The following TAS2R1 variants were observed in gnomAD, a reference collection of about 807,000 sequenced individuals.
The protein encoded by TAS2R1 is taste receptor type 2 member 1.
For missense variants in TAS2R1, 370 were observed against 353.4 expected, an observed-to-expected ratio of 1.05 and a Z score of -0.38; for synonymous variants, 141 against 134.2, an observed-to-expected ratio of 1.05 and a Z score of -0.35.
chr5:9,826,344 C>T, the TAS2R1 span, among the ~76,000 whole-genome samples: 10,961 of 152,090 alleles, frequency 0.072, 904 homozygotes, highest in East Asian at 0.24. Context: ...AAATCTTTTC[C>T]ATGGTATGAT....
At chr5:9,762,017 A>G in the TAS2R1 span, among the ~76,000 whole-genome samples, 1 of 152,158 alleles carries the variant, frequency 6.6e-6, no homozygotes, top group East Asian at 1.9e-4. Context: ...TGCACCACCC[A>G]CCATCACTTC....
intron 1 of TAS2R1, among the ~76,000 whole-genome samples, chr5:9,674,418 G>A (rs1440849583): frequency 2.0e-5 from 3 of 152,030 alleles, no homozygotes; most frequent in Non-Finnish European, 4.4e-5. Context: ...ATCTTCCCCT[G>A]GCATAATGTT....
intron 1 of TAS2R1, among the ~76,000 whole-genome samples, chr5:9,697,634 G>T (rs1350447144): frequency 6.6e-6 from 1 of 152,106 alleles, no homozygotes; most frequent in Non-Finnish European, 1.5e-5. Context: ...ATTTTTGTAT[G>T]TTTAGAGATC....
At chr5:9,739,609 G>C in the TAS2R1 span, among the ~76,000 whole-genome samples, 3 of 152,308 alleles carry the variant, frequency 2.0e-5, no homozygotes, top group African/African-American at 7.2e-5. Context: ...GTAAGAGGCA[G>C]GTAAGATGCC....
chr5:9,643,435 A>G (rs1740125267), intron 2 of TAS2R1, among the ~76,000 whole-genome samples: 1 of 152,172 alleles, frequency 6.6e-6, no homozygotes, highest in Non-Finnish European at 1.5e-5. Flanking sequence ...AAAATGTCAT[A>G]TGTGTGTAGG....
the TAS2R1 span, among the ~76,000 whole-genome samples, chr5:9,778,693 A>G: frequency 6.6e-6 from 1 of 152,234 alleles, no homozygotes; most frequent in Non-Finnish European, 1.5e-5. Context: ...AGCCTCATGA[A>G]TCAACCTCTT....
chr5:9,746,077 A>C, the TAS2R1 span, among the ~76,000 whole-genome samples: 1 of 152,190 alleles, frequency 6.6e-6, no homozygotes, highest in Non-Finnish European at 1.5e-5. Flanking sequence ...TCAAGAAAAA[A>C]AACCAACCCC....
chr5:9,849,363 A>G, the TAS2R1 span, among the ~76,000 whole-genome samples: 1 of 152,254 alleles, frequency 6.6e-6, no homozygotes, highest in Non-Finnish European at 1.5e-5. Context: ...CTGGAGACCA[A>G]GCATGTTTCC....
chr5:9,753,644 T>A, the TAS2R1 span, among the ~76,000 whole-genome samples: 6 of 152,286 alleles, frequency 3.9e-5, no homozygotes, highest in African/African-American at 1.4e-4. Flanking sequence ...CTGAATGGTA[T>A]TGCCTAGGTT....
intron 2 of TAS2R1, among the ~76,000 whole-genome samples, chr5:9,650,217 T>C (rs1012678298): frequency 3.3e-5 from 5 of 152,184 alleles, no homozygotes; most frequent in Non-Finnish European, 7.4e-5. Flanking sequence ...TTAAGAGATA[T>C]AATCTTACGT....
rs572751712 is a variant in TAS2R1 at position 9,665,496 on chromosome 5, G to A, written c.-241-5915C>T. Among the ~76,000 whole-genome samples, 18 of 152,286 alleles carry A rather than the reference G, an allele frequency of 1.2e-4. No homozygotes were observed. The South Asian group carries it at 3.1e-3, about 26-fold the overall frequency. On this transcript the variant is annotated intron_variant, in intron 1 of 2. Transcript: ENST00000506620. ...ACCATAGTCACTCACAATCAGTAAGGGACAGACCAGGGATTTAAACCCAAA... is the reference window on the plus strand; with the variant it reads ...ACCATAGTCACTCACAATCAGTAAGAGACAGACCAGGGATTTAAACCCAAA...
the TAS2R1 span, among the ~76,000 whole-genome samples, chr5:9,815,147 G>T: frequency 6.6e-6 from 1 of 152,224 alleles, no homozygotes; most frequent in Non-Finnish European, 1.5e-5. Flanking sequence ...AGAAAAGGAG[G>T]TTGTAATTGA....
chr5:9,664,682 T>C (rs17332100), intron 1 of TAS2R1, among the ~76,000 whole-genome samples: 33,282 of 151,952 alleles, frequency 0.22, 3,682 homozygotes, highest in South Asian at 0.25. Context: ...TCTTTACTGA[T>C]TGAATTTTAA....
the TAS2R1 span, among the ~76,000 whole-genome samples, chr5:9,720,709 G>C: frequency 1.3e-5 from 2 of 152,228 alleles, no homozygotes; most frequent in African/African-American, 2.4e-5. Flanking sequence ...GGAGAGCAGA[G>C]TTCCTCAAGG....
At position 9,629,933 on chromosome 5, in the gene TAS2R1, C is replaced by A; in HGVS notation, c.100G>T (p.Asp34Tyr). The change falls in exon 1 of 1, where the codon GAC (aspartate) becomes TAC (tyrosine). Residue 34 changes from aspartate (D) to tyrosine (Y), a missense_variant. Transcript: ENST00000382492. ...GCCATTTTTCTGTGCTTGATCAAGT[C>A]AATGCCATTCACCACCACAATGATG... ...NGIIVVVNGI[D>Y]LIKHRKMAPL... 1 of 1,613,750 alleles carries A rather than the reference C, an allele frequency of 6.2e-7. No individual in the cohort carries two copies.
the TAS2R1 span, among the ~76,000 whole-genome samples, chr5:9,870,818 C>A: frequency 6.6e-6 from 1 of 152,086 alleles, no homozygotes; most frequent in Non-Finnish European, 1.5e-5. Flanking sequence ...ATGAGAGGAT[C>A]AAATGCACAC....
the TAS2R1 span, among the ~76,000 whole-genome samples, chr5:9,897,145 C>G: frequency 7.2e-5 from 11 of 152,204 alleles, no homozygotes; most frequent in Admixed American, 7.2e-4. Flanking sequence ...TAAAACAAAA[C>G]AAAACAAAAT....
At chr5:9,643,102 C>G (rs1371562801) in intron 2 of TAS2R1, among the ~76,000 whole-genome samples, 2 of 152,008 alleles carry the variant, frequency 1.3e-5, no homozygotes, top group African/African-American at 2.4e-5. Flanking sequence ...GTATTATGAA[C>G]TAGGCACTGT....
intron 2 of TAS2R1, among the ~76,000 whole-genome samples, chr5:9,640,521 A>G (rs908771335): frequency 6.7e-6 from 1 of 148,514 alleles, no homozygotes; most frequent in African/African-American, 2.4e-5. Flanking sequence ...AAAAAAAAAA[A>G]ACAGTACCTG....
Sources: allele counts gnomAD v4.1 joint callset (sites outside exome capture counted in the v4.1 genomes callset), GRCh38; gene constraint gnomAD v4.1.1; transcripts MANE v1.5; gene names NCBI Gene and HGNC (gene_info 2026-07-23, HGNC 2026-07-21).